Variants in BTRC observed in about 807,000 individuals in gnomAD.
BTRC encodes F-box/WD repeat-containing protein 1A.
Under a neutral mutation model 85.5 loss-of-function variants are expected in BTRC, and 42 were observed. That is an observed-to-expected ratio of 0.49 (90% CI 0.38 to 0.64). BTRC has a LOEUF of 0.64. Ranked by LOEUF, BTRC falls within the 30% of genes least tolerant of loss-of-function variation. The pLI is 0.00. For synonymous variants in BTRC, 255 were observed against 263.3 expected (o/e 0.97, Z 0.30); for missense variants, 594 against 743.5 (o/e 0.80, Z 2.34).
At position 101,531,245 on chromosome 10, in the gene BTRC, A is replaced by T. The variant is rs367662470; in HGVS notation, c.752A>T (p.Tyr251Phe). ...GLAERRGWGQ[Y>F]LFKNKPPDGN... ...TATTTGTTATTTTTTAGGGGACAGT[A>T]TTTATTCAAAAACAAACCTCCTGAC... is the stretch of plus-strand genomic sequence containing the variant. Residue 251 changes from tyrosine (Y) to phenylalanine (F), a missense_variant, in exon 7 of 15, where the codon TAT becomes TTT. Tyr to Phe is a conservative substitution (Grantham distance 22). Around this residue, in one of 4 missense-constraint regions of BTRC, gnomAD observed 373 missense variants for 503.6 expected, o/e 0.74. Transcript: ENST00000370187. 8 of 1,597,022 alleles carry T rather than the reference A, an allele frequency of 5.0e-6. No individual in the cohort carries two copies. The highest frequency in any genetic ancestry group is 2.2e-5 in the South Asian group (2 of 90,462).
intron 4 of BTRC, among the ~76,000 whole-genome samples, chr10:101,519,292 C>G (rs1359808766): frequency 2.0e-5 from 3 of 151,954 alleles, no homozygotes; most frequent in South Asian, 4.2e-4. Flanking sequence ...GTTGGCCAGG[C>G]TGTTGTCAAA....
chr10:101,444,553 C>T (rs1017224249), intron 2 of BTRC, among the ~76,000 whole-genome samples: 1 of 152,092 alleles, frequency 6.6e-6, no homozygotes, highest in African/African-American at 2.4e-5. Context: ...CCAGGTTGTT[C>T]TGTAAATTAA....
In BTRC at chr10:101,550,310, A is replaced by G. The variant is rs377686698; in HGVS notation, c.1657-389A>G. Reference sequence around the variant, plus strand: ...TTTATTTTATTTTTTTTTTAGACAGAGTCTCACTCTGTTGCCCAGGCTGGA... The same window carrying G: ...TTTATTTTATTTTTTTTTTAGACAGGGTCTCACTCTGTTGCCCAGGCTGGA... On this transcript the variant is annotated intron_variant, in intron 13 of 14. Coordinates refer to ENST00000370187, the MANE Select transcript of BTRC (RefSeq NM_033637.4). 1.6e-4 allele frequency among the ~76,000 whole-genome samples: 24 copies of G among 151,516 alleles called. No individual in the cohort carries two copies. In the East Asian group the frequency reaches 3.9e-3, roughly 24 times the overall value.
chr10:101,510,118 G>A (rs952242062), intron 4 of BTRC, among the ~76,000 whole-genome samples: 11 of 150,850 alleles, frequency 7.3e-5, no homozygotes, highest in Non-Finnish European at 8.9e-5. Context: ...TAGGTGACAG[G>A]CAAGACTCTG....
At chr10:101,427,318 G>A (rs1210383144) in intron 1 of BTRC, among the ~76,000 whole-genome samples, 5 of 151,390 alleles carry the variant, frequency 3.3e-5, no homozygotes, top group Non-Finnish European at 7.4e-5. Flanking sequence ...GGGTTTCACC[G>A]TGTTGGCCAG....
chr10:101,539,319 C>T (rs1306899466), intron 13 of BTRC, among the ~76,000 whole-genome samples: 1 of 152,150 alleles, frequency 6.6e-6, no homozygotes, highest in African/African-American at 2.4e-5. Context: ...AGACACCACT[C>T]GGAGAAAAGA....
At chr10:101,437,566 GATT>G (rs1944564592) in intron 2 of BTRC, among the ~76,000 whole-genome samples, 2 of 152,158 alleles carry the variant, frequency 1.3e-5, no homozygotes, top group African/African-American at 4.8e-5. Flanking sequence ...TCCTCCCAGA[GATT>G]ACCGTTTCAG....
intron 2 of BTRC, among the ~76,000 whole-genome samples, chr10:101,433,815 A>G (rs1204452327): frequency 2.6e-5 from 4 of 152,188 alleles, no homozygotes; most frequent in African/African-American, 9.7e-5. Context: ...GGATAATTTC[A>G]GTAGTTGAAG....
At chr10:101,478,231 G>A (rs1164612989) in intron 3 of BTRC, among the ~76,000 whole-genome samples, 1 of 151,672 alleles carries the variant, frequency 6.6e-6, no homozygotes, top group African/African-American at 2.4e-5. Flanking sequence ...AACCTGGGAG[G>A]CGGAGGTTGT....
At chr10:101,381,962 C>CTTTTTTTTTTTTTT (rs71016314) in intron 1 of BTRC, among the ~76,000 whole-genome samples, 6 of 49,156 alleles carry the variant, frequency 1.2e-4, no homozygotes, top group African/African-American at 3.3e-4. Flanking sequence ...CTAAGAATGT[C>CTTTTTTTTTTTTTT]TTTTTTTTTT....
chr10:101,424,101 G>A (rs1944182160), intron 1 of BTRC, among the ~76,000 whole-genome samples: 2 of 152,116 alleles, frequency 1.3e-5, no homozygotes, highest in Non-Finnish European at 2.9e-5. Context: ...AGGCGTGGTG[G>A]TGCATGCCGG....
At chr10:101,537,097 CTT>C (rs1196278610) in intron 12 of BTRC, among the ~76,000 whole-genome samples, 1 of 152,154 alleles carries the variant, frequency 6.6e-6, no homozygotes, top group Admixed American at 6.5e-5. Flanking sequence ...GTACAGTTCT[CTT>C]GTCATCACTT....
chr10:101,527,761 GTCTCTCTCTCTC>G (rs5787436), intron 6 of BTRC, among the ~76,000 whole-genome samples: 11 of 142,502 alleles, frequency 7.7e-5, no homozygotes, highest in Non-Finnish European at 1.5e-4. Flanking sequence ...CTCTTTCTCT[GTCTCTCTCTCTC>G]TCTCTCTCTC....
chr10:101,481,063 G>C (rs1945819839), intron 4 of BTRC, among the ~76,000 whole-genome samples: 1 of 152,008 alleles, frequency 6.6e-6, no homozygotes, highest in Non-Finnish European at 1.5e-5. Context: ...CTGAAAACAT[G>C]AGTGCATGCC....
intron 1 of BTRC, among the ~76,000 whole-genome samples, chr10:101,379,108 T>C (rs1327749425): frequency 6.6e-6 from 1 of 152,254 alleles, no homozygotes; most frequent in Non-Finnish European, 1.5e-5. Context: ...AGAATCCTGC[T>C]TTATCAAATT....
intron 1 of BTRC, among the ~76,000 whole-genome samples, chr10:101,368,741 G>A (rs868690638): frequency 1.3e-4 from 20 of 152,068 alleles, no homozygotes; most frequent in Middle Eastern, 3.4e-3. Flanking sequence ...TTTTGAGGCC[G>A]GGTATAGTGG....
chr10:101,427,869 T>G (rs188167258), intron 1 of BTRC, among the ~76,000 whole-genome samples: 584 of 152,280 alleles, frequency 3.8e-3, no homozygotes, highest in Middle Eastern at 0.017. Context: ...TAATAAGTAT[T>G]TATTGAATAA....
At chr10:101,536,929 A>T (rs1024006613) in intron 12 of BTRC, among the ~76,000 whole-genome samples, 7 of 152,246 alleles carry the variant, frequency 4.6e-5, no homozygotes, top group African/African-American at 1.7e-4. Context: ...CCTGTAAAGC[A>T]AAGAACAAGA....
chr10:101,539,200 G>C (rs2062431767), intron 13 of BTRC, among the ~76,000 whole-genome samples: 1 of 152,172 alleles, frequency 6.6e-6, no homozygotes, highest in Non-Finnish European at 1.5e-5. Context: ...GGGGAAAAAA[G>C]TGATTCAAAA....
Sources: gnomAD v4.1 joint callset for allele counts (sites outside exome capture counted in the v4.1 genomes callset) on GRCh38, gnomAD v4.1.1 for gene constraint, gnomAD v4.1.1 regional missense constraint, MANE v1.5 for transcripts, NCBI Gene and HGNC (gene_info 2026-07-23, HGNC 2026-07-21) for gene names.